The following USP24 variants were observed in gnomAD, a reference collection of about 807,000 sequenced individuals.
USP24 encodes ubiquitin specific peptidase 24.
USP24 carries 97 observed loss-of-function variants against 361.6 expected under a neutral mutation model. The observed-to-expected ratio is 0.27, with a 90% confidence interval of 0.23 to 0.32. The LOEUF is 0.32. Among genes scored for constraint, USP24 ranks in the 10% least tolerant of loss-of-function variants. The probability of loss-of-function intolerance (pLI) is 1.00; values close to 1 mark genes in which losing one functional copy is unlikely to be tolerated. For missense variants in USP24, 2,353 were observed against 3,165.6 expected (o/e 0.74, Z 6.16); for synonymous variants, 1,098 against 1,124.6 (o/e 0.98, Z 0.47).
At chr1:55,106,053 G>T in intron 41 of USP24, 93 bp downstream of exon 41, 1 of 958,228 alleles carries the variant, frequency 1.0e-6, no homozygotes, top group Non-Finnish European at 1.6e-6. Flanking sequence ...ACTCACAGAT[G>T]GAAGACAAAC....
In USP24 at chr1:55,148,481, G is replaced by C; in HGVS notation, c.1950C>G (p.Thr650=). ...CCCTTACCTTGTCTTGCTTTTGATA[G>C]GTTTGTTTTATGAATGAGCGAGTAA... The part of the protein sequence containing the change: ...HEITRSFIKQ[T]YQKQDKSIIQ... The change falls in exon 17 of 68, where the codon ACC becomes ACG. Residue 650 remains threonine (T), a synonymous_variant. Transcript: ENST00000294383. 4.4e-6 allele frequency: 7 copies of C among 1,583,168 alleles called. No individual in the cohort carries two copies. The highest frequency in any genetic ancestry group is 1.2e-5 in the South Asian group (1 of 86,214).
intron 1 of USP24, among the ~76,000 whole-genome samples, chr1:55,201,160 T>C (rs1016980126): frequency 2.0e-5 from 3 of 152,184 alleles, no homozygotes; most frequent in African/African-American, 7.2e-5. Flanking sequence ...AAGAGACTAT[T>C]TGAGAAGCAT....
intron 1 of USP24, among the ~76,000 whole-genome samples, chr1:55,209,709 G>A (rs543229960): frequency 3.3e-5 from 5 of 152,156 alleles, no homozygotes; most frequent in African/African-American, 9.6e-5. Context: ...GAGTGCATGA[G>A]CTTTAATGCA....
At chr1:55,209,279 A>G (rs1644793309) in intron 1 of USP24, among the ~76,000 whole-genome samples, 1 of 151,728 alleles carries the variant, frequency 6.6e-6, no homozygotes. Flanking sequence ...TTTTCTTTTT[A>G]AAAGGAAAAC....
chr1:55,085,846 A>AC (rs1379824665), intron 56 of USP24, 96 bp downstream of exon 56: 2 of 1,285,490 alleles, frequency 1.6e-6, no homozygotes, highest in East Asian at 4.7e-5. Context: ...TGGCAAAATT[A>AC]CCAGACTCCA....
At chr1:55,095,471 C>T in intron 50 of USP24, 75 bp from the exon 51 acceptor site, 2 of 1,451,302 alleles carry the variant, frequency 1.4e-6, no homozygotes, top group Non-Finnish European at 9.1e-7. Flanking sequence ...AACAAAGGGC[C>T]CATTATTCCA....
At chr1:55,073,133 G>A in intron 64 of USP24, 1 of 446,890 alleles carries the variant, frequency 2.2e-6, no homozygotes, top group South Asian at 4.3e-5. Flanking sequence ...GAGATGGATG[G>A]TGGTGATGGT....
chr1:55,074,261 T>C (rs1254944834), intron 63 of USP24, among the ~76,000 whole-genome samples: 3 of 152,190 alleles, frequency 2.0e-5, no homozygotes, highest in Non-Finnish European at 4.4e-5. Context: ...GTAGTTCTAG[T>C]ACTTTTAGAT....
chr1:55,125,631 C>G (rs370047272), intron 33 of USP24, 32 bp downstream of exon 33: 1 of 1,577,876 alleles, frequency 6.3e-7, no homozygotes, highest in Non-Finnish European at 8.6e-7. Context: ...TCAAGTATTG[C>G]CTGGTAAGAC....
At chr1:55,134,473 T>C in intron 28 of USP24, 60 bp from the exon 29 acceptor site, 1 of 1,434,024 alleles carries the variant, frequency 7.0e-7, no homozygotes, top group Non-Finnish European at 9.7e-7. Flanking sequence ...CCTTTCCTAA[T>C]CAAACTTACA....
At position 55,129,551 on chromosome 1, in the gene USP24, T is replaced by C. The variant is rs370882652; in HGVS notation, c.3561A>G (p.Pro1187=). Residue 1187 remains proline, a synonymous_variant, in exon 32 of 68, where the codon CCA becomes CCG. Transcript: ENST00000294383. ...NLEVLSSKLM[P]TADDDMARSC... ...TTCTGGCCATGTCATCATCAGCTGT[T>C]GGCATGAGTTTGGAGCTTAGAACCT... 1.2e-6 allele frequency: 2 copies of C among 1,613,798 alleles called. No homozygotes were observed. The highest frequency in any genetic ancestry group is 1.3e-5 in the African/African-American group (1 of 74,942).
In USP24 at chr1:55,134,324, T is replaced by C; in HGVS notation, c.3287+4A>G. The stretch of plus-strand genomic sequence containing the variant: ...TGCCAAGCCTCACAAATATTTATAT[T>C]TACCTTGGCTCTTCCAGATTGGCGA... On this transcript the variant is annotated splice_donor_region_variant and intron_variant, in intron 29 of 67. Coordinates refer to ENST00000294383, the MANE Select transcript of USP24 (RefSeq NM_015306.3). The C allele has an allele frequency of 1.2e-6, 2 of 1,610,960 alleles. No homozygotes were observed. The highest frequency in any genetic ancestry group is 1.1e-5 in the South Asian group (1 of 90,574).
intron 1 of USP24, among the ~76,000 whole-genome samples, chr1:55,190,885 T>C (rs1362432572): frequency 6.6e-6 from 1 of 152,202 alleles, no homozygotes; most frequent in Non-Finnish European, 1.5e-5. Flanking sequence ...ATCAAATTAT[T>C]TCAAAACCAG....
intron 1 of USP24, among the ~76,000 whole-genome samples, chr1:55,198,261 C>T (rs1370795750): frequency 2.0e-5 from 3 of 152,120 alleles, no homozygotes; most frequent in Non-Finnish European, 2.9e-5. Flanking sequence ...GGATTACAGG[C>T]GTGTGCCACC....
intron 56 of USP24, 135 bp downstream of exon 56, chr1:55,085,807 A>C (rs1645238177): frequency 3.7e-6 from 3 of 804,736 alleles, no homozygotes; most frequent in East Asian, 5.3e-5. Flanking sequence ...GCATGTACCA[A>C]AAATCAGTTC....
At chr1:55,162,099 C>T (rs1570581270) in intron 8 of USP24, 100 bp downstream of exon 8, 1 of 1,058,760 alleles carries the variant, frequency 9.4e-7, no homozygotes, top group African/African-American at 1.7e-5. Context: ...AAAGGAGTTA[C>T]TCTGGATTAA....
At chr1:55,209,192 A>G (rs1473779547) in intron 1 of USP24, among the ~76,000 whole-genome samples, 1 of 152,234 alleles carries the variant, frequency 6.6e-6, no homozygotes, top group African/African-American at 2.4e-5. Context: ...ATCTAGTATC[A>G]TGACTGAAAT....
chr1:55,159,067 A>G, intron 9 of USP24, 31 bp from the exon 10 acceptor site: 1 of 1,420,886 alleles, frequency 7.0e-7, no homozygotes, highest in Non-Finnish European at 9.3e-7. Context: ...AAAAACAAAA[A>G]AGGAACTGTA....
chr1:55,114,406 T>C (rs1646045151), intron 38 of USP24, among the ~76,000 whole-genome samples: 1 of 152,196 alleles, frequency 6.6e-6, no homozygotes, highest in Non-Finnish European at 1.5e-5. Flanking sequence ...AAATTTCATA[T>C]GGAACCAAAA....
Sources: gnomAD v4.1 joint callset for allele counts (sites outside exome capture counted in the v4.1 genomes callset) on GRCh38, gnomAD v4.1.1 for gene constraint, MANE v1.5 for transcripts, NCBI Gene and HGNC (gene_info 2026-07-23, HGNC 2026-07-21) for gene names.